ZMYND8: variants seen among roughly 807,000 people sequenced by gnomAD.
ZMYND8 encodes MYND-type zinc finger-containing chromatin reader ZMYND8.
ZMYND8 carries 37 observed loss-of-function variants against 140.8 expected under a neutral mutation model. The observed-to-expected ratio is 0.26, with a 90% confidence interval of 0.20 to 0.35. The LOEUF is 0.35. Among genes scored for constraint, ZMYND8 ranks in the 10% least tolerant of loss-of-function variants. The pLI is 1.00. For synonymous variants in ZMYND8, 592 were observed against 597.1 expected (o/e 0.99, Z 0.12); for missense variants, 1,068 against 1,570.0 (o/e 0.68, Z 5.40).
chr20:47,256,575 G>A (rs959442464), intron 12 of ZMYND8, among the ~76,000 whole-genome samples: 5 of 152,178 alleles, frequency 3.3e-5, no homozygotes, highest in Admixed American at 6.5e-5. Flanking sequence ...AGCCGAGATC[G>A]CGCCACTGCA....
At chr20:47,332,405 C>G (rs752730586) in intron 2 of ZMYND8, among the ~76,000 whole-genome samples, 2 of 152,082 alleles carry the variant, frequency 1.3e-5, no homozygotes, top group African/African-American at 2.4e-5. Context: ...AGAGGGGAGA[C>G]AAGTGCCTTT....
intron 5 of ZMYND8, among the ~76,000 whole-genome samples, chr20:47,292,175 G>GC (rs1372758623): frequency 3.3e-5 from 5 of 152,080 alleles, no homozygotes; most frequent in Non-Finnish European, 5.9e-5. Flanking sequence ...ATTACAATAC[G>GC]CACTGTAAGT....
intron 12 of ZMYND8, among the ~76,000 whole-genome samples, chr20:47,261,633 A>G (rs1310149663): frequency 2.0e-5 from 3 of 152,182 alleles, no homozygotes; most frequent in Non-Finnish European, 2.9e-5. Flanking sequence ...TTAGAAGAAG[A>G]GAATTAAGGA....
At chr20:47,324,090 T>C (rs1212785470) in intron 2 of ZMYND8, among the ~76,000 whole-genome samples, 1 of 151,040 alleles carries the variant, frequency 6.6e-6, no homozygotes, top group East Asian at 1.9e-4. Context: ...TAATCCCAGC[T>C]GCTCGGGGGG....
At chr20:47,275,131 T>A (rs2076181039) in intron 11 of ZMYND8, among the ~76,000 whole-genome samples, 1 of 152,180 alleles carries the variant, frequency 6.6e-6, no homozygotes, top group African/African-American at 2.4e-5. Context: ...CATCTTAAAC[T>A]GACATTTAAT....
chr20:47,262,447 G>C lies in ZMYND8; in HGVS notation c.1481-19C>G. 6.2e-7 allele frequency: 1 copy of C among 1,613,768 alleles called. No individual in the cohort carries two copies. The highest frequency in any genetic ancestry group is 8.5e-7 in the Non-Finnish European group (1 of 1,179,820). On this transcript the variant is annotated intron_variant, in intron 11 of 22. Transcript: ENST00000471951. Reference sequence around the variant, plus strand: ...GGTGAAGCTGAAAAAGTATGGCATTGTTAAAAGACAGGTTTACAAATAAAC... The same window carrying C: ...GGTGAAGCTGAAAAAGTATGGCATTCTTAAAAGACAGGTTTACAAATAAAC...
At chr20:47,295,212 T>C (rs906076790) in intron 4 of ZMYND8, among the ~76,000 whole-genome samples, 1 of 152,052 alleles carries the variant, frequency 6.6e-6, no homozygotes, top group South Asian at 2.1e-4. Context: ...GGCAACATGA[T>C]GAAACTCCAT....
At chr20:47,264,963 G>T (rs1442877819) in intron 11 of ZMYND8, among the ~76,000 whole-genome samples, 2 of 151,716 alleles carry the variant, frequency 1.3e-5, no homozygotes, top group African/African-American at 4.8e-5. Context: ...ATTGAGCCTG[G>T]GAGGTCAAGA....
intron 12 of ZMYND8, among the ~76,000 whole-genome samples, chr20:47,255,793 ATATATATACCG>A (rs1338231521): frequency 8.3e-6 from 1 of 121,048 alleles, no homozygotes; most frequent in South Asian, 2.9e-4. Context: ...GTATGTGTAT[ATATATATACCG>A]TATATATATA....
At chr20:47,355,576 A>G (rs2083157938) in intron 1 of ZMYND8, 1 of 769,924 alleles carries the variant, frequency 1.3e-6, no homozygotes, top group African/African-American at 1.9e-5. Context: ...AAAAACACAC[A>G]CAACAACAAC....
intron 10 of ZMYND8, 114 bp from the exon 11 acceptor site, chr20:47,276,909 T>C (rs1428480898): frequency 5.6e-6 from 4 of 718,216 alleles, no homozygotes; most frequent in Non-Finnish European, 5.5e-6. Context: ...TCTTATTCTA[T>C]TAAAAAAAAA....
At chr20:47,242,512 C>T (rs989407317) in intron 14 of ZMYND8, among the ~76,000 whole-genome samples, 3 of 152,252 alleles carry the variant, frequency 2.0e-5, no homozygotes, top group African/African-American at 4.8e-5. Context: ...TTCTAACCCA[C>T]GTAAGTGCCT....
Position 47,246,468 on chromosome 20 carries a change from A to G in ZMYND8, c.1824T>C (p.Asp608=). 6.2e-7 allele frequency: 1 copy of G among 1,613,406 alleles called. No individual in the cohort carries two copies. Among genetic ancestry groups the G allele is most frequent in the Non-Finnish European group, 8.5e-7 (1 of 1,179,996 alleles). ...EDVYTAVEHS[D]SEDSEKSDSS... ...TATCTGACTTCTCAGAATCCTCCGA[A>G]TCGCTGTGCTCTACGGCCGTATAGA... is the stretch of plus-strand genomic sequence containing the variant. The change falls in exon 14 of 23, where the codon GAT becomes GAC. Residue 608 remains aspartate (D), a synonymous_variant. Coordinates refer to ENST00000471951, the MANE Select transcript of ZMYND8 (RefSeq NM_001281775.3).
chr20:47,254,974 T>C (rs1305645348), intron 12 of ZMYND8, among the ~76,000 whole-genome samples: 3 of 151,994 alleles, frequency 2.0e-5, no homozygotes, highest in Non-Finnish European at 4.4e-5. Context: ...TAAAACCCCA[T>C]CTCTACTAAA....
At chr20:47,237,076 G>T (rs753938680) in intron 15 of ZMYND8, among the ~76,000 whole-genome samples, 10 of 151,844 alleles carry the variant, frequency 6.6e-5, no homozygotes, top group Admixed American at 3.9e-4. Context: ...ATTTAAATTG[G>T]TCTTTACCCC....
intron 8 of ZMYND8, among the ~76,000 whole-genome samples, chr20:47,285,033 A>G (rs1257609267): frequency 6.6e-6 from 1 of 152,222 alleles, no homozygotes; most frequent in Non-Finnish European, 1.5e-5. Context: ...GTGTGCTGGT[A>G]TCATTCTAAG....
At chr20:47,228,687 C>A (rs1357481113) in intron 17 of ZMYND8, among the ~76,000 whole-genome samples, 1 of 152,160 alleles carries the variant, frequency 6.6e-6, no homozygotes, top group East Asian at 1.9e-4. Context: ...GTTGAAGGGA[C>A]CACCAGGTTG....
intron 2 of ZMYND8, among the ~76,000 whole-genome samples, chr20:47,323,938 C>G (rs533824399): frequency 6.6e-6 from 1 of 152,126 alleles, no homozygotes; most frequent in South Asian, 2.1e-4. Flanking sequence ...TGGTGGCTCA[C>G]GCCTGTAATC....
chr20:47,268,845 C>A (rs1247425093), intron 11 of ZMYND8, among the ~76,000 whole-genome samples: 1 of 151,948 alleles, frequency 6.6e-6, no homozygotes, highest in Non-Finnish European at 1.5e-5. Flanking sequence ...ACAATCTCCC[C>A]AATGTTATAC....
Sources: allele counts gnomAD v4.1 joint callset (sites outside exome capture counted in the v4.1 genomes callset), GRCh38; gene constraint gnomAD v4.1.1; transcripts MANE v1.5; gene names NCBI Gene and HGNC (gene_info 2026-07-23, HGNC 2026-07-21).